The following MYLK variants were observed in gnomAD, a reference collection of about 807,000 sequenced individuals.
MYLK encodes the protein myosin light chain kinase, smooth muscle.
Under a neutral mutation model 203.4 loss-of-function variants are expected in MYLK, and 106 were observed. The ratio of observed to expected loss-of-function variants is 0.52; its 90% CI spans 0.45 to 0.61. The LOEUF (loss-of-function observed/expected upper bound fraction) is 0.61, where lower values mean the gene tolerates loss of function less well. MYLK is among the 20% of genes least tolerant of loss of function. The pLI is 0.00. For missense variants in MYLK, 2,072 were observed against 2,442.3 expected, an observed-to-expected ratio of 0.85 and a Z score of 3.20; for synonymous variants, 867 against 959.5, an observed-to-expected ratio of 0.90 and a Z score of 1.78.
rs1295865769 is a variant in MYLK, at chr3:123,734,206, T to C, written c.790A>G (p.Thr264Ala). The change falls in exon 10 of 34, where the codon ACA (threonine) becomes GCA (alanine). Residue 264 changes from threonine (T) to alanine (A), a missense_variant. Thr to Ala is a moderately conservative substitution (Grantham distance 58). This residue lies in a region of MYLK where 683 missense variants were observed against 643.8 expected (regional missense o/e 1.06). Coordinates refer to ENST00000360304, the MANE Select transcript of MYLK (RefSeq NM_053025.4). ...CTGACATCTGAATTGGTGGCTTTTG[T>C]TTCTCTCACAAATGACCTGTGTGGT... ...DSANRSFVRE[T>A]KATNSDVRKE... 2 of 1,544,304 alleles carry C rather than the reference T, an allele frequency of 1.3e-6. No homozygotes were observed. Among genetic ancestry groups the C allele is most frequent in the Admixed American group, 3.9e-5 (2 of 51,392 alleles).
At chr3:123,620,377 T>C (rs1347167885) in intron 31 of MYLK, 41 bp from the exon 32 acceptor site, 1 of 1,613,442 alleles carries the variant, frequency 6.2e-7, no homozygotes, top group Admixed American at 1.7e-5. Context: ...GCGTTGTCCC[T>C]GGTTCCAGCT....
intron 16 of MYLK, among the ~76,000 whole-genome samples, chr3:123,702,709 C>A (rs1171492344): frequency 6.6e-6 from 1 of 152,172 alleles, no homozygotes; most frequent in Non-Finnish European, 1.5e-5. Flanking sequence ...GTAAAGTAGT[C>A]CAGGCGCAGT....
At chr3:123,877,602 C>T (rs886550130) in intron 1 of MYLK, among the ~76,000 whole-genome samples, 4 of 152,134 alleles carry the variant, frequency 2.6e-5, no homozygotes, top group Non-Finnish European at 4.4e-5. Flanking sequence ...GTAGCAACTG[C>T]GTTGATTGTA....
intron 20 of MYLK, among the ~76,000 whole-genome samples, chr3:123,671,506 C>T (rs2059911745): frequency 6.6e-6 from 1 of 152,112 alleles, no homozygotes; most frequent in Non-Finnish European, 1.5e-5. Context: ...AGGACAGATG[C>T]TGGGAAGAGC....
At chr3:123,845,955 T>C (rs2029928028) in intron 2 of MYLK, among the ~76,000 whole-genome samples, 1 of 152,230 alleles carries the variant, frequency 6.6e-6, no homozygotes, top group Admixed American at 6.5e-5. Flanking sequence ...TTTCCCCTAA[T>C]GTTAATCTAT....
chr3:123,613,103 G>A lies in MYLK; in HGVS notation c.*1002C>T, dbSNP rs921280682. 1 of 152,296 alleles carries A rather than the reference G, an allele frequency of 6.6e-6. No homozygotes were observed. Among genetic ancestry groups the A allele is most frequent in the Non-Finnish European group, 1.5e-5 (1 of 68,038 alleles). The allele number at this position is 152,296 out of a possible 1,614,324, so 9.4% of individuals were successfully genotyped here. Reference sequence around the variant, plus strand: ...AAGTTCTTTGGAGAGTGTTGAGAATGAAGATGTATTAAACTCTGGCTATCT... The same window carrying A: ...AAGTTCTTTGGAGAGTGTTGAGAATAAAGATGTATTAAACTCTGGCTATCT... On this transcript the variant is annotated 3_prime_UTR_variant, in exon 34 of 34. Coordinates refer to ENST00000360304, the MANE Select transcript of MYLK (RefSeq NM_053025.4).
intron 4 of MYLK, among the ~76,000 whole-genome samples, chr3:123,766,304 T>C (rs1001106925): frequency 7.2e-5 from 11 of 152,148 alleles, no homozygotes; most frequent in African/African-American, 1.9e-4. Context: ...CCACCCTCAT[T>C]CCCCCTTCTC....
At chr3:123,690,282 C>T (rs750004250) in intron 19 of MYLK, among the ~76,000 whole-genome samples, 2 of 152,232 alleles carry the variant, frequency 1.3e-5, no homozygotes, top group Non-Finnish European at 2.9e-5. Flanking sequence ...GTCATTGTTG[C>T]TGCTTACGGC....
At chr3:123,669,158 G>C (rs530428780) in intron 20 of MYLK, among the ~76,000 whole-genome samples, 135 of 152,322 alleles carry the variant, frequency 8.9e-4, no homozygotes, top group Non-Finnish European at 1.0e-3. Flanking sequence ...TCCCTGGCAG[G>C]GGCACACTGA....
At chr3:123,722,505 G>T (rs1335927164) in intron 12 of MYLK, among the ~76,000 whole-genome samples, 1 of 152,204 alleles carries the variant, frequency 6.6e-6, no homozygotes, top group Non-Finnish European at 1.5e-5. Flanking sequence ...GGGAGTAATT[G>T]TGTGGTGGAG....
intron 10 of MYLK, 48 bp downstream of exon 10, chr3:123,733,639 C>G: frequency 1.2e-6 from 2 of 1,608,580 alleles, no homozygotes; most frequent in South Asian, 2.2e-5. Context: ...GAGTGGCCAC[C>G]AAGGGGCTAC....
chr3:123,764,507 A>T (rs1347542360), intron 4 of MYLK, among the ~76,000 whole-genome samples: 2 of 152,202 alleles, frequency 1.3e-5, no homozygotes, highest in Non-Finnish European at 2.9e-5. Flanking sequence ...GTCTACCAGC[A>T]TTTAGTACAC....
At chr3:123,720,960 G>A (rs2062065856) in intron 13 of MYLK, among the ~76,000 whole-genome samples, 1 of 152,184 alleles carries the variant, frequency 6.6e-6, no homozygotes, top group South Asian at 2.1e-4. Flanking sequence ...CACAGGCTGT[G>A]GGCTCCAGGG....
chr3:123,733,130 T>C, intron 10 of MYLK, 28 bp from the exon 11 acceptor site: 1 of 1,606,808 alleles, frequency 6.2e-7, no homozygotes. Flanking sequence ...GAACGTGAGC[T>C]CCCTATGCCC....
At chr3:123,616,757 G>C (rs1057376096) in intron 33 of MYLK, 1 of 152,082 alleles carries the variant, frequency 6.6e-6, no homozygotes, top group African/African-American at 2.4e-5. Context: ...AACGTGGCAC[G>C]TCCTTCTCTC....
intron 21 of MYLK, 139 bp downstream of exon 21, chr3:123,666,998 G>T: frequency 1.2e-6 from 1 of 802,704 alleles, no homozygotes; most frequent in African/African-American, 1.7e-5. Context: ...AAAATGCAGA[G>T]CTGGAACTGA....
chr3:123,701,562 C>A lies in MYLK; in HGVS notation c.2391-53G>T, dbSNP rs2061228471. On this transcript the variant is annotated intron_variant, in intron 16 of 33. Transcript: ENST00000360304. The stretch of plus-strand genomic sequence containing the variant: ...TCAAGAGGCCCTCTGGGCAAAGGGC[C>A]TGTTCAGTGTGGACTTGATCACAGG... The A allele has an allele frequency of 3.8e-6, 6 of 1,578,484 alleles. No individual in the cohort carries two copies. The South Asian group carries it at 6.6e-5, about 17-fold the overall frequency.
Position 123,700,493 on chromosome 3 carries a change from G to A in MYLK, c.2975C>T (p.Pro992Leu). ...RSVLGGKKKL[P>L]AENGSSSAET... ...GGCACTGCTGCTGCCATTCTCTGCT[G>A]GTAATTTCTTCTTGCCACCCAGCAC... Residue 992 changes from proline to leucine, a missense_variant, in exon 18 of 34, where the codon CCA (proline) becomes CTA (leucine). Transcript: ENST00000360304. 6.2e-7 allele frequency: 1 copy of A among 1,608,134 alleles called. No homozygotes were observed. The highest frequency in any genetic ancestry group is 8.5e-7 in the Non-Finnish European group (1 of 1,175,896).
chr3:123,737,639 G>C, intron 7 of MYLK, 96 bp from the exon 8 acceptor site: 1 of 1,525,456 alleles, frequency 6.6e-7, no homozygotes. Context: ...ATAGACTCCA[G>C]GGCCTGGGCA....
Sources: allele counts gnomAD v4.1 joint callset (sites outside exome capture counted in the v4.1 genomes callset), GRCh38; gene constraint gnomAD v4.1.1; regional missense constraint gnomAD v4.1.1; transcripts MANE v1.5; gene names NCBI Gene and HGNC (gene_info 2026-07-23, HGNC 2026-07-21).